CNTNAP2: variants seen among roughly 807,000 people sequenced by gnomAD.
CNTNAP2 encodes contactin associated protein 2.
A neutral mutation model predicts 155.2 loss-of-function variants in CNTNAP2; 98 were observed. That is an observed-to-expected ratio of 0.63 (90% CI 0.54 to 0.75). The LOEUF (loss-of-function observed/expected upper bound fraction) is 0.75, where lower values mean the gene tolerates loss of function less well. Among genes scored for constraint, CNTNAP2 ranks in the 30% least tolerant of loss-of-function variants. The pLI, the probability that CNTNAP2 is intolerant of heterozygous loss-of-function variation, is 0.00. For missense variants in CNTNAP2, 1,727 were observed against 1,688.1 expected (o/e 1.02, Z -0.40); for synonymous variants, 651 against 631.2 (o/e 1.03, Z -0.47).
intron 1 of CNTNAP2, among the ~76,000 whole-genome samples, chr7:146,167,891 G>A (rs1012644332): frequency 1.3e-5 from 2 of 152,184 alleles, no homozygotes; most frequent in Admixed American, 6.5e-5. Context: ...TAGGGAAGCC[G>A]ACAGTGCAGC....
chr7:146,257,231 A>T (rs954880369), intron 1 of CNTNAP2, among the ~76,000 whole-genome samples: 1 of 152,212 alleles, frequency 6.6e-6, no homozygotes, highest in Non-Finnish European at 1.5e-5. Flanking sequence ...ATTATGAGAA[A>T]TATACAGGAG....
chr7:146,942,742 T>C (rs181420973), intron 3 of CNTNAP2, among the ~76,000 whole-genome samples: 9 of 152,272 alleles, frequency 5.9e-5, no homozygotes, highest in African/African-American at 2.2e-4. Flanking sequence ...ATCAAATTTA[T>C]GTATAATGCC....
At chr7:147,092,901 A>G (rs1030937077) in intron 4 of CNTNAP2, among the ~76,000 whole-genome samples, 8 of 152,220 alleles carry the variant, frequency 5.3e-5, no homozygotes, top group African/African-American at 1.9e-4. Flanking sequence ...AGTTGCATGT[A>G]CTAAATGGCA....
intron 3 of CNTNAP2, among the ~76,000 whole-genome samples, chr7:147,027,081 G>A (rs1798938351): frequency 6.6e-6 from 1 of 151,378 alleles, no homozygotes; most frequent in African/African-American, 2.4e-5. Context: ...TTGCATCAGG[G>A]GACTTACTTA....
At chr7:147,338,868 T>G (rs1795708004) in intron 9 of CNTNAP2, among the ~76,000 whole-genome samples, 1 of 151,802 alleles carries the variant, frequency 6.6e-6, no homozygotes, top group Non-Finnish European at 1.5e-5. Flanking sequence ...AATGGGGGTC[T>G]TGAAGAGGGC....
chr7:146,385,019 T>G (rs1215858530), intron 1 of CNTNAP2, among the ~76,000 whole-genome samples: 3 of 152,186 alleles, frequency 2.0e-5, no homozygotes, highest in Non-Finnish European at 2.9e-5. Flanking sequence ...AGTCCTTATT[T>G]GTATAGTCAC....
chr7:146,726,368 T>C (rs1801431848), intron 1 of CNTNAP2, among the ~76,000 whole-genome samples: 2 of 152,068 alleles, frequency 1.3e-5, no homozygotes. Context: ...TGGGGGTAAA[T>C]AAAATAAAAT....
intron 21 of CNTNAP2, among the ~76,000 whole-genome samples, chr7:148,327,871 G>A (rs1334778322): frequency 6.6e-6 from 1 of 151,914 alleles, no homozygotes; most frequent in African/African-American, 2.4e-5. Flanking sequence ...TTCTCATGGA[G>A]ACCTAATCAT....
intron 1 of CNTNAP2, among the ~76,000 whole-genome samples, chr7:146,305,798 A>C (rs1046112171): frequency 6.6e-6 from 1 of 152,170 alleles, no homozygotes; most frequent in Admixed American, 6.5e-5. Flanking sequence ...AAAGCAGGAA[A>C]GATCTAAAAT....
At position 147,903,794 on chromosome 7, in the gene CNTNAP2, G is replaced by GA. The variant is rs1799915476; in HGVS notation, c.2255+76dup. The GA allele has an allele frequency of 1.9e-5, 30 of 1,555,502 alleles. No individual in the cohort carries two copies. In the East Asian group the frequency reaches 7.1e-4, roughly 37 times the overall value. ...TTTGTGTCAAACTCATGTGATAGAA[G>GA]AAAGTTTGAAAAGTGCTATAATAAT... On this transcript the variant is annotated intron_variant, in intron 14 of 23. Transcript: ENST00000361727.
At chr7:147,333,583 T>C (rs2116846252) in intron 9 of CNTNAP2, among the ~76,000 whole-genome samples, 1 of 152,292 alleles carries the variant, frequency 6.6e-6, no homozygotes, top group Non-Finnish European at 1.5e-5. Flanking sequence ...AATATCATAC[T>C]TGTTCACTTT....
intron 8 of CNTNAP2, among the ~76,000 whole-genome samples, chr7:147,298,469 G>GAAAATCCT (rs147075412): frequency 0.034 from 5,188 of 151,788 alleles, 115 homozygotes; most frequent in Non-Finnish European, 0.051. Context: ...ATTAAAATTT[G>GAAAATCCT]AAAATCCTAA....
intron 1 of CNTNAP2, among the ~76,000 whole-genome samples, chr7:146,302,245 A>AGG (rs1800624491): frequency 2.6e-5 from 4 of 152,214 alleles, no homozygotes; most frequent in Non-Finnish European, 5.9e-5. Flanking sequence ...CCCATATAAT[A>AGG]GAAGTTTGTT....
intron 20 of CNTNAP2, among the ~76,000 whole-genome samples, chr7:148,250,356 T>A (rs1373935867): frequency 1.3e-5 from 2 of 152,232 alleles, no homozygotes; most frequent in East Asian, 3.8e-4. Flanking sequence ...TTTCTCTGTG[T>A]CTCTCTATAC....
At chr7:148,157,986 T>C (rs188132344) in intron 17 of CNTNAP2, among the ~76,000 whole-genome samples, 1 of 152,250 alleles carries the variant, frequency 6.6e-6, no homozygotes, top group East Asian at 1.9e-4. Flanking sequence ...CCCTCTATTC[T>C]TTTCTGAACC....
At chr7:146,608,166 T>G (rs928293044) in intron 1 of CNTNAP2, among the ~76,000 whole-genome samples, 1 of 152,220 alleles carries the variant, frequency 6.6e-6, no homozygotes, top group Non-Finnish European at 1.5e-5. Flanking sequence ...TGCATTCTCT[T>G]TTTCTTGCTG....
chr7:146,939,548 A>G (rs903111223), intron 3 of CNTNAP2, among the ~76,000 whole-genome samples: 2 of 152,190 alleles, frequency 1.3e-5, no homozygotes, highest in East Asian at 3.9e-4. Context: ...AGCTGTGGGA[A>G]TGTGATTGCC....
chr7:147,039,940 C>A (rs1224299894), intron 3 of CNTNAP2, among the ~76,000 whole-genome samples: 1 of 152,052 alleles, frequency 6.6e-6, no homozygotes, highest in Non-Finnish European at 1.5e-5. Flanking sequence ...CATAACAAAG[C>A]AAATATTGAC....
chr7:146,996,168 T>C (rs1798305368), intron 3 of CNTNAP2, among the ~76,000 whole-genome samples: 1 of 152,152 alleles, frequency 6.6e-6, no homozygotes, highest in African/African-American at 2.4e-5. Context: ...GACTGTTTTT[T>C]CCCCCATTTT....
Sources: allele counts gnomAD v4.1 joint callset (sites outside exome capture counted in the v4.1 genomes callset), GRCh38; gene constraint gnomAD v4.1.1; transcripts MANE v1.5; gene names NCBI Gene and HGNC (gene_info 2026-07-23, HGNC 2026-07-21).